The following VAT1L variants were observed in gnomAD, a reference collection of about 807,000 sequenced individuals.
VAT1L encodes the protein putative NADPH-dependent quinone oxidoreductase VAT1L.
VAT1L carries 34 observed loss-of-function variants against 44.1 expected under a neutral mutation model. The ratio of observed to expected loss-of-function variants is 0.77; its 90% CI spans 0.59 to 1.03. The LOEUF (loss-of-function observed/expected upper bound fraction) is 1.03. Among genes scored for constraint, VAT1L ranks in the 50% least tolerant of loss-of-function variants. The probability of loss-of-function intolerance (pLI) is 0.00; values close to 1 mark genes in which losing one functional copy is unlikely to be tolerated. For missense variants in VAT1L, 615 were observed against 538.8 expected, an observed-to-expected ratio of 1.14 and a Z score of -1.40; for synonymous variants, 253 against 202.2, an observed-to-expected ratio of 1.25 and a Z score of -2.13.
intron 3 of VAT1L, among the ~76,000 whole-genome samples, chr16:77,844,381 T>C (rs1482536790): frequency 6.6e-6 from 1 of 152,098 alleles, no homozygotes; most frequent in Non-Finnish European, 1.5e-5. Context: ...ATAGGTTATA[T>C]GTAATTATTA....
chr16:77,816,918 C>T lies in VAT1L; in HGVS notation c.234-3C>T. 3 of 1,611,316 alleles carry T rather than the reference C, an allele frequency of 1.9e-6. No homozygotes were observed. The highest frequency in any genetic ancestry group is 1.1e-5 in the South Asian group (1 of 90,436). Reference sequence around the variant, plus strand: ...TCTCTCCTTTCACATTTGCTCTTTACAGTGGATTAAACTTCATTGACTTGA... The same window carrying T: ...TCTCTCCTTTCACATTTGCTCTTTATAGTGGATTAAACTTCATTGACTTGA... On this transcript the variant is annotated splice_region_variant and splice_polypyrimidine_tract_variant and intron_variant, in intron 1 of 8. Transcript: ENST00000302536.
At chr16:77,935,707 G>A (rs1037096226) in intron 7 of VAT1L, among the ~76,000 whole-genome samples, 2 of 152,130 alleles carry the variant, frequency 1.3e-5, no homozygotes, top group South Asian at 2.1e-4. Context: ...ATTGCTGACT[G>A]CAGGGTTGCA....
intron 4 of VAT1L, among the ~76,000 whole-genome samples, chr16:77,868,258 G>A (rs1481769130): frequency 6.6e-6 from 1 of 152,212 alleles, no homozygotes; most frequent in African/African-American, 2.4e-5. Context: ...CTGAACAGTT[G>A]TATGGGTACA....
At chr16:77,973,548 G>C (rs987422237) in intron 8 of VAT1L, among the ~76,000 whole-genome samples, 1 of 152,080 alleles carries the variant, frequency 6.6e-6, no homozygotes, top group Non-Finnish European at 1.5e-5. Context: ...CTCCCAAAGT[G>C]TTGGGATTAC....
chr16:77,825,105 G>A, intron 2 of VAT1L, 141 bp from the exon 3 acceptor site: 2 of 807,660 alleles, frequency 2.5e-6, no homozygotes, highest in Non-Finnish European at 4.1e-6. Context: ...GATCTTGATT[G>A]ATTCACCCAC....
intron 3 of VAT1L, among the ~76,000 whole-genome samples, chr16:77,828,265 C>T (rs1358467732): frequency 6.6e-6 from 1 of 152,186 alleles, no homozygotes; most frequent in Non-Finnish European, 1.5e-5. Context: ...GTTGCCTTAC[C>T]TGGCAAAAGG....
At chr16:77,875,162 T>A (rs183580173) in intron 4 of VAT1L, among the ~76,000 whole-genome samples, 3 of 152,278 alleles carry the variant, frequency 2.0e-5, no homozygotes, top group African/African-American at 2.4e-5. Context: ...AAGCTGATCA[T>A]TTTGGATGAG....
At chr16:77,813,512 G>C (rs935564459) in intron 1 of VAT1L, among the ~76,000 whole-genome samples, 10 of 152,200 alleles carry the variant, frequency 6.6e-5, no homozygotes, top group African/African-American at 2.4e-4. Flanking sequence ...TCCAAGCCCA[G>C]AGACTGGACC....
At chr16:77,803,141 T>A (rs373489645) in intron 1 of VAT1L, among the ~76,000 whole-genome samples, 2 of 152,204 alleles carry the variant, frequency 1.3e-5, no homozygotes, top group African/African-American at 2.4e-5. Flanking sequence ...CTAAAGTTGC[T>A]CATAGTCTAC....
intron 7 of VAT1L, among the ~76,000 whole-genome samples, chr16:77,954,988 A>T (rs2018086373): frequency 6.6e-6 from 1 of 152,208 alleles, no homozygotes; most frequent in Non-Finnish European, 1.5e-5. Context: ...TTTTTAAGAA[A>T]AGCTAATGTA....
intron 7 of VAT1L, among the ~76,000 whole-genome samples, chr16:77,918,006 G>A (rs1013464529): frequency 6.6e-6 from 1 of 152,134 alleles, no homozygotes; most frequent in South Asian, 2.1e-4. Flanking sequence ...AACTAGGCAG[G>A]GAAATAGGGA....
rs77612253 is a variant in VAT1L, at chr16:77,876,519, C to T, written c.826+46C>T. On this transcript the variant is annotated intron_variant, in intron 5 of 8. Coordinates refer to ENST00000302536, the MANE Select transcript of VAT1L (RefSeq NM_020927.3). Reference sequence around the variant, plus strand: ...GGGACGTGGTCAGCAATAGGTACCTCTACATATGTGCCTGCAAAGGCTCTG... The same window carrying T: ...GGGACGTGGTCAGCAATAGGTACCTTTACATATGTGCCTGCAAAGGCTCTG... 700 of 1,541,442 alleles carry T rather than the reference C, an allele frequency of 4.5e-4. 2 individuals carry two copies. The highest frequency in any genetic ancestry group is 5.8e-4 in the South Asian group (52 of 89,594).
At chr16:77,943,703 A>G (rs2017922325) in intron 7 of VAT1L, among the ~76,000 whole-genome samples, 1 of 151,730 alleles carries the variant, frequency 6.6e-6, no homozygotes, top group South Asian at 2.1e-4. Context: ...CGCCCGACCC[A>G]CCCTGTATTC....
At chr16:77,822,371 G>T (rs1226517199) in intron 2 of VAT1L, among the ~76,000 whole-genome samples, 1 of 152,072 alleles carries the variant, frequency 6.6e-6, no homozygotes, top group Non-Finnish European at 1.5e-5. Context: ...CGAGACCTCA[G>T]CCTCCCAAAG....
intron 3 of VAT1L, among the ~76,000 whole-genome samples, chr16:77,833,642 T>C (rs1359996482): frequency 6.6e-6 from 1 of 151,632 alleles, no homozygotes; most frequent in African/African-American, 2.4e-5. Context: ...TCCCAGCTAC[T>C]AGGGAGGCTG....
intron 5 of VAT1L, among the ~76,000 whole-genome samples, chr16:77,878,222 T>C (rs2017110173): frequency 6.6e-6 from 1 of 152,216 alleles, no homozygotes; most frequent in African/African-American, 2.4e-5. Flanking sequence ...GTAAGGGTAA[T>C]TGCAGTCTTC....
At position 77,788,746 on chromosome 16, in the gene VAT1L, A is replaced by G; in HGVS notation, c.64A>G (p.Lys22Glu). The change falls in exon 1 of 9, where the codon AAG (lysine) becomes GAG (glutamate). Residue 22 changes from lysine to glutamate, a missense_variant. Physicochemically the swap from Lys to Glu is moderately conservative, Grantham distance 56 (BLOSUM62 1). Coordinates refer to ENST00000302536, the MANE Select transcript of VAT1L (RefSeq NM_020927.3). ...TEQMIEKEAG[K>E]EPAEGGGGDG... ...GCAAATGATCGAGAAGGAGGCAGGCAAGGAGCCGGCGGAGGGCGGCGGCGG... is the reference window on the plus strand; with the variant it reads ...GCAAATGATCGAGAAGGAGGCAGGCGAGGAGCCGGCGGAGGGCGGCGGCGG... 2 of 1,561,678 alleles carry G rather than the reference A, an allele frequency of 1.3e-6. No homozygotes were observed. Among genetic ancestry groups the G allele is most frequent in the Non-Finnish European group, 1.7e-6 (2 of 1,152,526 alleles).
At chr16:77,905,653 G>A (rs989996443) in intron 7 of VAT1L, among the ~76,000 whole-genome samples, 2 of 152,046 alleles carry the variant, frequency 1.3e-5, no homozygotes, top group African/African-American at 4.8e-5. Context: ...TCATTATTCT[G>A]TTTATATCAT....
intron 1 of VAT1L, among the ~76,000 whole-genome samples, chr16:77,803,838 A>G (rs1243379993): frequency 6.6e-6 from 1 of 152,178 alleles, no homozygotes; most frequent in Admixed American, 6.5e-5. Flanking sequence ...TCAAACCATC[A>G]TTACTCTATC....
Sources: gnomAD v4.1 joint callset for allele counts (sites outside exome capture counted in the v4.1 genomes callset) on GRCh38, gnomAD v4.1.1 for gene constraint, MANE v1.5 for transcripts, NCBI Gene and HGNC (gene_info 2026-07-23, HGNC 2026-07-21) for gene names.